The following CKAP5 variants were observed in gnomAD, a reference collection of about 807,000 sequenced individuals.
The protein encoded by CKAP5 is cytoskeleton-associated protein 5.
A neutral mutation model predicts 232.8 loss-of-function variants in CKAP5; 27 were observed. The observed-to-expected ratio is 0.12, with a 90% confidence interval of 0.09 to 0.16. The LOEUF (loss-of-function observed/expected upper bound fraction) is 0.16. Among genes scored for constraint, CKAP5 ranks in the 10% least tolerant of loss-of-function variants. CKAP5 has a pLI of 1.00. For synonymous variants in CKAP5, 785 were observed against 841.1 expected (o/e 0.93, Z 1.16); for missense variants, 1,838 against 2,424.7 (o/e 0.76, Z 5.08).
chr11:46,797,796 AGTCT>A lies in CKAP5; in HGVS notation c.1338+5_1338+8del, dbSNP rs1938915074. 2 of 1,595,264 alleles carry A rather than the reference AGTCT, an allele frequency of 1.3e-6. No individual in the cohort carries two copies. The highest frequency in any genetic ancestry group is 1.9e-5 in the Admixed American group (1 of 53,404). ...AAAATATTCCCCCAACTTCAAAGAG[AGTCT>A]GTACCTTAAGTAGTGCAGCACAAAA... On this transcript the variant is annotated splice_donor_5th_base_variant and intron_variant, in intron 11 of 43. Transcript: ENST00000529230.
chr11:46,828,682 A>G (rs1275871089), intron 1 of CKAP5, among the ~76,000 whole-genome samples: 1 of 152,250 alleles, frequency 6.6e-6, no homozygotes. Flanking sequence ...ACAAATGGAT[A>G]ATACCCTGTG....
intron 3 of CKAP5, among the ~76,000 whole-genome samples, chr11:46,817,738 A>G (rs1056174524): frequency 2.6e-5 from 4 of 152,096 alleles, no homozygotes; most frequent in African/African-American, 9.7e-5. Flanking sequence ...AATCAGGTCT[A>G]TGAGGTATGG....
rs183507424 is a variant in CKAP5 at position 46,809,411 on chromosome 11, A to G, written c.853T>C (p.Tyr285His). 2 of 1,596,804 alleles carry G rather than the reference A, an allele frequency of 1.3e-6. No homozygotes were observed. Among genetic ancestry groups the G allele is most frequent in the Admixed American group, 1.7e-5 (1 of 58,056 alleles). The change falls in exon 7 of 44, where the codon TAT becomes CAT. Residue 285 changes from tyrosine to histidine, a missense_variant. Transcript: ENST00000529230. ...TAACTATTACTTACAATTTTGTCAT[A>G]AAAGTCTTTGGGAAGTTTGGAAAGG... ...EILSKLPKDF[Y>H]DKIEAKKWQE...
intron 1 of CKAP5, among the ~76,000 whole-genome samples, chr11:46,822,683 G>A (rs1939563694): frequency 6.8e-6 from 1 of 148,112 alleles, no homozygotes; most frequent in African/African-American, 2.5e-5. Context: ...CCCGAGAGGC[G>A]GAGCTTGCAG....
At position 46,770,903 on chromosome 11, in the gene CKAP5, T is replaced by C. The variant is rs1319898469; in HGVS notation, c.3071A>G (p.Tyr1024Cys). The change falls in exon 25 of 44, where the codon TAC becomes TGC. Residue 1024 changes from tyrosine (Y) to cysteine (C), a missense_variant. Around this residue, in one of 6 missense-constraint regions of CKAP5, gnomAD observed 767 missense variants for 954.6 expected, o/e 0.80. Coordinates refer to ENST00000529230, the MANE Select transcript of CKAP5 (RefSeq NM_001008938.4). ...TDLILCVPHLYSCLEDRNGDV... is the reference protein window; with the variant it reads ...TDLILCVPHLCSCLEDRNGDV... ...TCCATTTCGATCTTCTAGGCAGGAG[T>C]AGAGATGAGGAACACAAAGGATAAG... 1.2e-6 allele frequency: 2 copies of C among 1,613,646 alleles called. No homozygotes were observed. Among genetic ancestry groups the C allele is most frequent in the Non-Finnish European group, 1.7e-6 (2 of 1,179,930 alleles).
At chr11:46,747,633 G>A (rs531534839) in intron 42 of CKAP5, among the ~76,000 whole-genome samples, 4 of 151,516 alleles carry the variant, frequency 2.6e-5, no homozygotes, top group African/African-American at 9.7e-5. Context: ...TCACTAAGAT[G>A]GTGGTATTTG....
intron 13 of CKAP5, among the ~76,000 whole-genome samples, chr11:46,793,135 C>T (rs1311702498): frequency 1.3e-5 from 2 of 152,138 alleles, no homozygotes; most frequent in African/African-American, 4.8e-5. Flanking sequence ...ATCAAATCAA[C>T]AATAAAAATA....
chr11:46,759,645 T>C (rs2065139766), intron 33 of CKAP5, among the ~76,000 whole-genome samples: 1 of 152,244 alleles, frequency 6.6e-6, no homozygotes, highest in South Asian at 2.1e-4. Flanking sequence ...AGAGGGCAGA[T>C]AACTTTAATT....
At chr11:46,777,414 G>A (rs2065300203) in intron 23 of CKAP5, 25 bp downstream of exon 23, 1 of 1,414,642 alleles carries the variant, frequency 7.1e-7, no homozygotes, top group Admixed American at 1.7e-5. Flanking sequence ...CAGAATGGAG[G>A]CATGGTGAAA....
At chr11:46,836,413 TA>T (rs1242009074) in intron 1 of CKAP5, among the ~76,000 whole-genome samples, 1 of 152,342 alleles carries the variant, frequency 6.6e-6, no homozygotes, top group East Asian at 1.9e-4. Flanking sequence ...CGAATAATTT[TA>T]AAAAGTGAGA....
At chr11:46,838,539 G>A (rs1565761021) in intron 1 of CKAP5, among the ~76,000 whole-genome samples, 1 of 142,276 alleles carries the variant, frequency 7.0e-6, no homozygotes, top group Non-Finnish European at 1.5e-5. Context: ...TTAGCACTTT[G>A]GGAGGCCGAG....
chr11:46,785,477 C>T (rs557046846), intron 16 of CKAP5, among the ~76,000 whole-genome samples: 165 of 152,240 alleles, frequency 1.1e-3, no homozygotes, highest in African/African-American at 3.8e-3. Context: ...TTACAGGCGC[C>T]CGCCACCACG....
intron 2 of CKAP5, 109 bp downstream of exon 2, chr11:46,821,065 AG>A: frequency 1.6e-6 from 1 of 632,094 alleles, no homozygotes; most frequent in Non-Finnish European, 2.7e-6. Context: ...ACAAGGCATC[AG>A]TATTTTTGAA....
chr11:46,763,230 T>A, intron 29 of CKAP5, 51 bp from the exon 30 acceptor site: 1 of 1,378,644 alleles, frequency 7.3e-7, no homozygotes, highest in Non-Finnish European at 1.0e-6. Context: ...ATCAAAATCT[T>A]AATTCTACTA....
intron 2 of CKAP5, 181 bp downstream of exon 2, chr11:46,820,994 C>T (rs1440060043): frequency 5.6e-6 from 3 of 535,252 alleles, no homozygotes; most frequent in Non-Finnish European, 9.9e-6. Flanking sequence ...TTTCCAGAGA[C>T]AAAAAAATTT....
chr11:46,750,503 T>C (rs758317324), intron 41 of CKAP5, 25 bp downstream of exon 41: 1 of 1,607,574 alleles, frequency 6.2e-7, no homozygotes, highest in Non-Finnish European at 8.5e-7. Flanking sequence ...CAGACCCCTA[T>C]TCTGCTTAAC....
At chr11:46,767,998 G>A (rs1309530433) in intron 26 of CKAP5, among the ~76,000 whole-genome samples, 3 of 152,084 alleles carry the variant, frequency 2.0e-5, no homozygotes, top group African/African-American at 7.2e-5. Flanking sequence ...GTTTCGCCAT[G>A]TTGCCCAGGC....
chr11:46,845,230 A>T (rs918715745), intron 1 of CKAP5, among the ~76,000 whole-genome samples: 1 of 152,206 alleles, frequency 6.6e-6, no homozygotes, highest in African/African-American at 2.4e-5. Flanking sequence ...ATGAGTTTTC[A>T]ATTACTATAA....
Position 46,807,924 on chromosome 11 carries a change from T to C in CKAP5, c.978+107A>G, listed in dbSNP as rs1211463195. On this transcript the variant is annotated intron_variant, in intron 8 of 43. Transcript: ENST00000529230. ...ATGTCTGTAATTCAAATACCATCAG[T>C]AATGTTCCTTAAGTGGCAATGTATG... 4 of 712,572 alleles carry C rather than the reference T, an allele frequency of 5.6e-6. No homozygotes were observed. The Admixed American group carries it at 9.4e-5, about 17-fold the overall frequency. 44.1% of individuals were successfully genotyped at this position (712,572 alleles called of 1,614,324 possible). A position where few individuals can be genotyped will look rare whatever the true frequency, so the allele number is the denominator to read the frequency against.
Sources: allele counts gnomAD v4.1 joint callset (sites outside exome capture counted in the v4.1 genomes callset), GRCh38; gene constraint gnomAD v4.1.1; regional missense constraint gnomAD v4.1.1; transcripts MANE v1.5; gene names NCBI Gene and HGNC (gene_info 2026-07-23, HGNC 2026-07-21).